The following EPB41L3 variants were observed in gnomAD, a reference collection of about 807,000 sequenced individuals.
The protein encoded by EPB41L3 is band 4.1-like protein 3.
In EPB41L3, 57 loss-of-function variants were observed where a neutral mutation model predicts 127.1. That is an observed-to-expected ratio of 0.45 (90% CI 0.36 to 0.56). The LOEUF is 0.56. Among genes scored for constraint, EPB41L3 ranks in the 20% least tolerant of loss-of-function variants. The pLI is 0.00. For missense variants in EPB41L3, 1,273 were observed against 1,372.2 expected (o/e 0.93, Z 1.14); for synonymous variants, 572 against 549.5 (o/e 1.04, Z -0.57).
At position 5,428,202 on chromosome 18, in the gene EPB41L3, G is replaced by A. The variant is rs576654004; in HGVS notation, c.1065+111C>T. ...AATAAACTCTCTCAGGCACTTAGAT[G>A]TCATTCACTGTGTCCCACAATGCTC... On this transcript the variant is annotated intron_variant, in intron 9 of 22. Coordinates refer to ENST00000341928, the MANE Select transcript of EPB41L3 (RefSeq NM_012307.5). 53 of 1,249,424 alleles carry A rather than the reference G, an allele frequency of 4.2e-5. No homozygotes were observed. The Admixed American group carries it at 6.2e-4, about 15-fold the overall frequency. The allele number at this position is 1,249,424 out of a possible 1,614,324, so 77.4% of individuals were successfully genotyped here.
chr18:5,452,610 C>A (rs553435871), intron 3 of EPB41L3, among the ~76,000 whole-genome samples: 1 of 152,280 alleles, frequency 6.6e-6, no homozygotes, highest in African/African-American at 2.4e-5. Context: ...TTCATTCCAA[C>A]ACATTTTCTT....
At chr18:5,525,222 C>T (rs1210719042) in intron 1 of EPB41L3, among the ~76,000 whole-genome samples, 1 of 152,156 alleles carries the variant, frequency 6.6e-6, no homozygotes, top group East Asian at 1.9e-4. Flanking sequence ...CCAGCAGCCA[C>T]CCGCTCTGAG....
intron 3 of EPB41L3, among the ~76,000 whole-genome samples, chr18:5,590,599 G>A (rs1568616028): frequency 6.6e-6 from 1 of 151,884 alleles, no homozygotes; most frequent in Admixed American, 6.6e-5. Context: ...CACACATGTT[G>A]CACATGAACA....
At chr18:5,415,619 G>A (rs181876082) in intron 13 of EPB41L3, among the ~76,000 whole-genome samples, 199 bp downstream of exon 13, 3 of 152,324 alleles carry the variant, frequency 2.0e-5, no homozygotes, top group Non-Finnish European at 2.9e-5. Flanking sequence ...GTTGGGCTCA[G>A]ACTGCTACAT....
chr18:5,443,947 T>C, intron 4 of EPB41L3, 67 bp from the exon 5 acceptor site: 7 of 1,356,054 alleles, frequency 5.2e-6, no homozygotes, highest in Non-Finnish European at 7.3e-6. Context: ...GTTGATTAGG[T>C]ACAGACTCTC....
At chr18:5,474,571 G>A (rs1467978846) in intron 3 of EPB41L3, among the ~76,000 whole-genome samples, 10 of 152,056 alleles carry the variant, frequency 6.6e-5, no homozygotes, top group Non-Finnish European at 1.2e-4. Context: ...TTAAGTTGAC[G>A]TGATGAAGGC....
At chr18:5,601,786 C>T (rs1397469231) in intron 3 of EPB41L3, among the ~76,000 whole-genome samples, 1 of 152,118 alleles carries the variant, frequency 6.6e-6, no homozygotes, top group African/African-American at 2.4e-5. Context: ...TTGATGTTTT[C>T]CTCATCCTTT....
At chr18:5,433,246 C>T (rs1314394816) in intron 8 of EPB41L3, among the ~76,000 whole-genome samples, 2 of 152,018 alleles carry the variant, frequency 1.3e-5, no homozygotes, top group South Asian at 2.1e-4. Context: ...AAGGCTGTGC[C>T]CAGGAGTAAT....
At chr18:5,619,965 A>G (rs1467002042) in intron 1 of EPB41L3, among the ~76,000 whole-genome samples, 2 of 152,294 alleles carry the variant, frequency 1.3e-5, no homozygotes, top group South Asian at 2.1e-4. Context: ...ATGAAAAACT[A>G]TATTACCTGA....
At chr18:5,575,827 A>T (rs972845494) in intron 3 of EPB41L3, among the ~76,000 whole-genome samples, 8 of 151,502 alleles carry the variant, frequency 5.3e-5, no homozygotes, top group African/African-American at 1.7e-4. Flanking sequence ...ACAGAGTGAG[A>T]CTCCGTCTCA....
intron 1 of EPB41L3, among the ~76,000 whole-genome samples, chr18:5,498,916 C>G (rs924869501): frequency 6.6e-6 from 1 of 152,172 alleles, no homozygotes; most frequent in African/African-American, 2.4e-5. Flanking sequence ...ATATTTGCTT[C>G]TTAACTAAAC....
intron 1 of EPB41L3, among the ~76,000 whole-genome samples, chr18:5,501,768 T>C (rs2091767553): frequency 6.6e-6 from 1 of 152,180 alleles, no homozygotes; most frequent in South Asian, 2.1e-4. Context: ...AATTATTCTG[T>C]TTTTACTGTA....
chr18:5,400,813 A>G, intron 16 of EPB41L3: 1 of 590,692 alleles, frequency 1.7e-6, no homozygotes, highest in Non-Finnish European at 3.0e-6. Flanking sequence ...AGAAAATTCA[A>G]TTTTCCCTTC....
At chr18:5,453,418 T>A (rs2082566716) in intron 3 of EPB41L3, among the ~76,000 whole-genome samples, 1 of 152,132 alleles carries the variant, frequency 6.6e-6, no homozygotes, top group Non-Finnish European at 1.5e-5. Flanking sequence ...CATCAGAAGG[T>A]GTGTGCATTG....
intron 4 of EPB41L3, among the ~76,000 whole-genome samples, chr18:5,444,210 A>G (rs1213559827): frequency 6.6e-6 from 1 of 152,268 alleles, no homozygotes; most frequent in Non-Finnish European, 1.5e-5. Flanking sequence ...ACTAGGATAA[A>G]TTAAAAATAT....
intron 4 of EPB41L3, among the ~76,000 whole-genome samples, chr18:5,444,872 T>C (rs149072508): frequency 1.0e-3 from 157 of 152,116 alleles, no homozygotes; most frequent in African/African-American, 3.7e-3. Context: ...AGGAACCACA[T>C]AAAATGCTTT....
chr18:5,530,539 A>C (rs1463931177), intron 1 of EPB41L3, among the ~76,000 whole-genome samples: 1 of 152,040 alleles, frequency 6.6e-6, no homozygotes, highest in Non-Finnish European at 1.5e-5. Context: ...AGCTGCCCCT[A>C]AGACTCATCT....
At chr18:5,424,514 T>C (rs2077897428) in intron 9 of EPB41L3, among the ~76,000 whole-genome samples, 155 bp from the exon 10 acceptor site, 1 of 152,218 alleles carries the variant, frequency 6.6e-6, no homozygotes, top group Non-Finnish European at 1.5e-5. Context: ...ACAGATTCAT[T>C]TGTTAATTTC....
intron 1 of EPB41L3, among the ~76,000 whole-genome samples, chr18:5,621,084 CAGG>C (rs1015595638): frequency 3.3e-5 from 5 of 152,186 alleles, no homozygotes; most frequent in African/African-American, 1.2e-4. Context: ...CTCAGGGAAG[CAGG>C]AGAACACATC....
Sources: allele counts gnomAD v4.1 joint callset (sites outside exome capture counted in the v4.1 genomes callset), GRCh38; gene constraint gnomAD v4.1.1; transcripts MANE v1.5; gene names NCBI Gene and HGNC (gene_info 2026-07-23, HGNC 2026-07-21).